Variants in COL4A1 observed in about 807,000 individuals in gnomAD.
COL4A1 encodes collagen alpha-1(IV) chain.
A neutral mutation model predicts 216.6 loss-of-function variants in COL4A1; 40 were observed. That is an observed-to-expected ratio of 0.18 (90% CI 0.14 to 0.24). The LOEUF (loss-of-function observed/expected upper bound fraction) is 0.24. Ranked by LOEUF, COL4A1 falls within the 10% of genes least tolerant of loss-of-function variation. The pLI, the probability that COL4A1 is intolerant of heterozygous loss-of-function variation, is 1.00. For missense variants in COL4A1, 1,628 were observed against 2,196.8 expected, an observed-to-expected ratio of 0.74 and a Z score of 5.18; for synonymous variants, 839 against 810.7, an observed-to-expected ratio of 1.03 and a Z score of -0.59.
intron 41 of COL4A1, among the ~76,000 whole-genome samples, chr13:110,171,921 T>C (rs150166356): frequency 1.5e-3 from 226 of 152,334 alleles, no homozygotes; most frequent in African/African-American, 5.2e-3. Context: ...CACCAGGCCA[T>C]CCTTCTCAAC....
At chr13:110,160,510 CT>C (rs1357658818) in intron 49 of COL4A1, among the ~76,000 whole-genome samples, 1 of 151,772 alleles carries the variant, frequency 6.6e-6, no homozygotes, top group East Asian at 1.9e-4. Context: ...TCTTAAAAGG[CT>C]CCTTGGGGAA....
intron 1 of COL4A1, among the ~76,000 whole-genome samples, chr13:110,301,244 AG>A (rs1055448731): frequency 2.0e-5 from 3 of 152,336 alleles, no homozygotes; most frequent in Non-Finnish European, 2.9e-5. Context: ...GGGGGTGGGG[AG>A]GGGGCTCCCA....
chr13:110,238,120 G>T (rs1881404947), intron 2 of COL4A1, among the ~76,000 whole-genome samples: 1 of 152,216 alleles, frequency 6.6e-6, no homozygotes, highest in South Asian at 2.1e-4. Context: ...CAGGAGCTGT[G>T]ATTTATAGAC....
chr13:110,296,118 T>A (rs1458143046), intron 1 of COL4A1, among the ~76,000 whole-genome samples: 2 of 152,232 alleles, frequency 1.3e-5, no homozygotes, highest in East Asian at 3.8e-4. Context: ...CAGGAAGAAA[T>A]CTATGACAGT....
chr13:110,179,168 G>T, intron 30 of COL4A1, 103 bp downstream of exon 30: 4 of 1,573,494 alleles, frequency 2.5e-6, no homozygotes, highest in African/African-American at 1.3e-5. Context: ...TGCATCGTTC[G>T]TTCAACAAAT....
chr13:110,161,171 T>C, intron 49 of COL4A1, 21 bp downstream of exon 49: 1 of 1,612,646 alleles, frequency 6.2e-7, no homozygotes, highest in South Asian at 1.1e-5. Flanking sequence ...TTGCATTTGT[T>C]CCTACAGATG....
chr13:110,249,253 C>T (rs1270843031), intron 1 of COL4A1, among the ~76,000 whole-genome samples: 6 of 152,064 alleles, frequency 3.9e-5, no homozygotes, highest in Admixed American at 3.3e-4. Context: ...TTGTTGCGGG[C>T]GGTGACTACA....
intron 23 of COL4A1, 69 bp downstream of exon 23, chr13:110,192,761 C>T: frequency 7.2e-7 from 1 of 1,380,106 alleles, no homozygotes; most frequent in South Asian, 1.2e-5. Context: ...AGTGAAATCC[C>T]TTTCACAGGA....
chr13:110,220,100 G>A (rs912125984), intron 2 of COL4A1, among the ~76,000 whole-genome samples: 4 of 151,534 alleles, frequency 2.6e-5, no homozygotes, highest in East Asian at 1.9e-4. Flanking sequence ...ACCATGCGCC[G>A]CTAATTTTTG....
chr13:110,153,308 A>G (rs1876601401), intron 50 of COL4A1, among the ~76,000 whole-genome samples: 1 of 152,248 alleles, frequency 6.6e-6, no homozygotes, highest in South Asian at 2.1e-4. Flanking sequence ...CGGGGTCTCC[A>G]GACCTCCAGA....
chr13:110,185,008 T>G (rs1878338391), intron 26 of COL4A1, among the ~76,000 whole-genome samples: 1 of 152,146 alleles, frequency 6.6e-6, no homozygotes, highest in African/African-American at 2.4e-5. Context: ...TAGTCCCTAA[T>G]GGGAATAGGA....
At chr13:110,212,520 C>T (rs575861828) in intron 5 of COL4A1, 41 bp from the exon 6 acceptor site, 19 of 1,614,144 alleles carry the variant, frequency 1.2e-5, no homozygotes, top group Middle Eastern at 1.7e-4. Flanking sequence ...GGCAGAAAAT[C>T]GCCTGATGGA....
intron 1 of COL4A1, among the ~76,000 whole-genome samples, chr13:110,246,867 G>A (rs777624911): frequency 2.6e-5 from 4 of 152,132 alleles, no homozygotes; most frequent in Non-Finnish European, 5.9e-5. Context: ...GTGCTCCTGT[G>A]AGGCACACAC....
rs645114 is a variant in COL4A1 at position 110,209,438 on chromosome 13, C to G, written c.616-11G>C. The G allele has an allele frequency of 0.84, 1,331,038 of 1,585,326 alleles. 559,610 individuals are homozygous for G. Among genetic ancestry groups the G allele is most frequent in the South Asian group, 0.9 (78,487 of 87,430 alleles). On this transcript the variant is annotated splice_polypyrimidine_tract_variant and intron_variant, in intron 10 of 51. Transcript: ENST00000375820. ...AGGGCCTGGGGGACCCTGGGAGAGA[C>G]AGCATTTTAATTAAATAGGATTCAG...
At chr13:110,203,756 C>A in intron 17 of COL4A1, 149 bp from the exon 18 acceptor site, 1 of 819,544 alleles carries the variant, frequency 1.2e-6, no homozygotes, top group Non-Finnish European at 2.0e-6. Flanking sequence ...CATTCTGTGA[C>A]GATTACAACA....
intron 2 of COL4A1, among the ~76,000 whole-genome samples, chr13:110,237,387 C>G (rs1338035876): frequency 6.6e-6 from 1 of 152,138 alleles, no homozygotes; most frequent in South Asian, 2.1e-4. Context: ...CTGCACCCCC[C>G]ACCCCCCGCC....
At position 110,167,319 on chromosome 13, in the gene COL4A1, C is replaced by T. The variant is rs1361670862; in HGVS notation, c.3877-89G>A. On this transcript the variant is annotated intron_variant, in intron 43 of 51. Transcript: ENST00000375820. ...CTGCTAGTTGGAAAATGGAAACAGCCCCTCAATGTTCTGGAAAGCACATTT... is the reference window on the plus strand; with the variant it reads ...CTGCTAGTTGGAAAATGGAAACAGCTCCTCAATGTTCTGGAAAGCACATTT... 1.3e-5 allele frequency: 13 copies of T among 978,502 alleles called. No homozygotes were observed. The South Asian group carries it at 1.5e-4, about 12-fold the overall frequency. 60.6% of individuals were successfully genotyped at this position (978,502 alleles called of 1,614,324 possible).
chr13:110,218,682 C>T (rs1459741133), intron 2 of COL4A1, among the ~76,000 whole-genome samples: 3 of 152,174 alleles, frequency 2.0e-5, no homozygotes, highest in South Asian at 2.1e-4. Context: ...ACAGGACCCC[C>T]GTCGCCTTTG....
intron 48 of COL4A1, 133 bp from the exon 49 acceptor site, chr13:110,161,502 G>A: frequency 1.8e-6 from 2 of 1,083,574 alleles, no homozygotes; most frequent in Non-Finnish European, 2.7e-6. Flanking sequence ...AATGTATAAA[G>A]GATTATGTAG....
Sources: gnomAD v4.1 joint callset for allele counts (sites outside exome capture counted in the v4.1 genomes callset) on GRCh38, gnomAD v4.1.1 for gene constraint, MANE v1.5 for transcripts, NCBI Gene and HGNC (gene_info 2026-07-23, HGNC 2026-07-21) for gene names.